The following DSCAM variants were observed in gnomAD, a reference collection of about 807,000 sequenced individuals.
DSCAM encodes the protein DS cell adhesion molecule.
A neutral mutation model predicts 217.7 loss-of-function variants in DSCAM; 47 were observed. The observed-to-expected ratio is 0.22, with a 90% CI of 0.17 to 0.28. The LOEUF (loss-of-function observed/expected upper bound fraction) is 0.28, where lower values mean the gene tolerates loss of function less well. Among genes scored for constraint, DSCAM ranks in the 10% least tolerant of loss-of-function variants. The pLI, the probability that DSCAM is intolerant of heterozygous loss-of-function variation, is 1.00. For synonymous variants in DSCAM, 1,056 were observed against 1,015.3 expected, an observed-to-expected ratio of 1.04 and a Z score of -0.76; for missense variants, 2,080 against 2,618.3, an observed-to-expected ratio of 0.79 and a Z score of 4.49.
chr21:40,306,750 AT>A (rs1284447552), intron 9 of DSCAM, among the ~76,000 whole-genome samples: 1 of 152,070 alleles, frequency 6.6e-6, no homozygotes, highest in Non-Finnish European at 1.5e-5. Flanking sequence ...ATATTTATTA[AT>A]TTGCGTATAT....
In DSCAM at chr21:40,839,658, C is replaced by T. The variant is rs112628727; in HGVS notation, c.43+6961G>A. On this transcript the variant is annotated intron_variant, in intron 1 of 32. Coordinates refer to ENST00000400454, the MANE Select transcript of DSCAM (RefSeq NM_001389.5). ...ATGCTTTTTTTTTTGTTTTTTTCTCCTACAAAATGCTGTACAGAGCTGGGA... is the reference window on the plus strand; with the variant it reads ...ATGCTTTTTTTTTTGTTTTTTTCTCTTACAAAATGCTGTACAGAGCTGGGA... Among the ~76,000 whole-genome samples, 571 of 151,600 alleles carry T rather than the reference C, an allele frequency of 3.8e-3. 2 individuals carry two copies. Among genetic ancestry groups the T allele is most frequent in the Non-Finnish European group, 5.4e-3 (368 of 67,846 alleles).
chr21:40,674,905 G>T (rs956848623), intron 3 of DSCAM, among the ~76,000 whole-genome samples: 4 of 151,972 alleles, frequency 2.6e-5, no homozygotes, highest in African/African-American at 9.7e-5. Flanking sequence ...TTACAGGTGT[G>T]AGCCACCGCG....
At chr21:40,314,556 T>C (rs1256253487) in intron 8 of DSCAM, among the ~76,000 whole-genome samples, 1 of 152,240 alleles carries the variant, frequency 6.6e-6, no homozygotes, top group African/African-American at 2.4e-5. Flanking sequence ...TGCTTGTATT[T>C]CTTTAAATCT....
At chr21:40,449,260 T>C (rs1307294207) in intron 3 of DSCAM, among the ~76,000 whole-genome samples, 3 of 152,176 alleles carry the variant, frequency 2.0e-5, no homozygotes, top group Admixed American at 2.0e-4. Context: ...ACTTCCCTTT[T>C]CCCATGGAAT....
intron 3 of DSCAM, among the ~76,000 whole-genome samples, chr21:40,409,399 A>C (rs1390265312): frequency 1.3e-5 from 2 of 152,218 alleles, no homozygotes; most frequent in Non-Finnish European, 2.9e-5. Flanking sequence ...ACAAAGTGAA[A>C]TCTCTGCTTT....
intron 1 of DSCAM, among the ~76,000 whole-genome samples, chr21:40,775,494 C>T (rs769826553): frequency 8.5e-5 from 13 of 152,070 alleles, no homozygotes; most frequent in Non-Finnish European, 1.8e-4. Flanking sequence ...CCATCCAATT[C>T]GCTGGGCACC....
At chr21:40,222,705 A>G (rs9982501) in intron 11 of DSCAM, among the ~76,000 whole-genome samples, 72,451 of 144,290 alleles carry the variant, frequency 0.5, 18,152 homozygotes, top group Middle Eastern at 0.6. Context: ...TATTTATGAT[A>G]ATATGTCATA....
intron 1 of DSCAM, among the ~76,000 whole-genome samples, chr21:40,715,667 A>G (rs896039649): frequency 6.6e-6 from 1 of 152,228 alleles, no homozygotes. Flanking sequence ...TTTTCAACTC[A>G]AATAAAAATG....
intron 9 of DSCAM, among the ~76,000 whole-genome samples, chr21:40,310,372 G>T (rs2074124446): frequency 6.6e-6 from 1 of 152,178 alleles, no homozygotes; most frequent in Non-Finnish European, 1.5e-5. Context: ...ACATCACCTT[G>T]TCCCTGCCTG....
In DSCAM at chr21:40,141,171, G is replaced by A. The variant is rs1017652932; in HGVS notation, c.3406+1387C>T. Among the ~76,000 whole-genome samples the A allele has an allele frequency of 2.0e-5, 3 of 152,220 alleles. No homozygotes were observed. The South Asian group carries it at 6.2e-4, about 31-fold the overall frequency. On this transcript the variant is annotated intron_variant, in intron 18 of 32. Coordinates refer to ENST00000400454, the MANE Select transcript of DSCAM (RefSeq NM_001389.5). The stretch of plus-strand genomic sequence containing the variant: ...ACCGTGGAGGCTGCTGCCACCTGTG[G>A]AGCCCTATGTTTACCTGCATGGGGA...
At chr21:40,443,964 G>T (rs1280386976) in intron 3 of DSCAM, among the ~76,000 whole-genome samples, 1 of 152,170 alleles carries the variant, frequency 6.6e-6, no homozygotes, top group Non-Finnish European at 1.5e-5. Context: ...AAGAAAGTAA[G>T]TGAAGAAAAA....
intron 18 of DSCAM, among the ~76,000 whole-genome samples, chr21:40,139,760 C>T (rs937392742): frequency 2.7e-5 from 4 of 148,862 alleles, no homozygotes; most frequent in Non-Finnish European, 6.0e-5. Context: ...TGTCATGTGG[C>T]GTGTGGTATA....
intron 3 of DSCAM, among the ~76,000 whole-genome samples, chr21:40,376,649 G>T (rs374125410): frequency 0.017 from 874 of 52,430 alleles, 5 homozygotes; most frequent in South Asian, 0.033. Flanking sequence ...TATAGATATC[G>T]ATATCTATAT....
chr21:40,436,477 G>A (rs1421031209), intron 3 of DSCAM, among the ~76,000 whole-genome samples: 1 of 152,142 alleles, frequency 6.6e-6, no homozygotes. Context: ...GCATCTAGTG[G>A]TGTGTGCACA....
intron 11 of DSCAM, among the ~76,000 whole-genome samples, chr21:40,232,439 G>T (rs1441550901): frequency 6.6e-6 from 1 of 152,116 alleles, no homozygotes; most frequent in Admixed American, 6.6e-5. Flanking sequence ...AACAGACAGG[G>T]ATTGAATTTT....
intron 14 of DSCAM, 78 bp downstream of exon 14, chr21:40,187,053 G>T: frequency 6.4e-7 from 1 of 1,566,626 alleles, no homozygotes; most frequent in Non-Finnish European, 8.7e-7. Flanking sequence ...TGCGCTTACA[G>T]GTAAAACACA....
intron 8 of DSCAM, among the ~76,000 whole-genome samples, chr21:40,315,282 T>G (rs1002278591): frequency 1.4e-4 from 21 of 151,726 alleles, no homozygotes; most frequent in Non-Finnish European, 2.2e-4. Context: ...CGTGCACCTA[T>G]AGTCCCAGCT....
At chr21:40,584,870 A>G (rs1266604553) in intron 3 of DSCAM, among the ~76,000 whole-genome samples, 1 of 152,186 alleles carries the variant, frequency 6.6e-6, no homozygotes, top group Non-Finnish European at 1.5e-5. Flanking sequence ...CTCAGTGTTG[A>G]AAGTGGGGCC....
At chr21:40,450,859 C>T (rs1389185457) in intron 3 of DSCAM, among the ~76,000 whole-genome samples, 2 of 152,182 alleles carry the variant, frequency 1.3e-5, no homozygotes, top group Admixed American at 6.5e-5. Flanking sequence ...AACGATTGAA[C>T]AGTACTATTT....
Sources: allele counts gnomAD v4.1 joint callset (sites outside exome capture counted in the v4.1 genomes callset), GRCh38; gene constraint gnomAD v4.1.1; transcripts MANE v1.5; gene names NCBI Gene and HGNC (gene_info 2026-07-23, HGNC 2026-07-21).